Variants in CNN3 observed in about 807,000 individuals in gnomAD.
CNN3 encodes calponin-3.
Under a neutral mutation model 39.0 loss-of-function variants are expected in CNN3, and 11 were observed. The ratio of observed to expected loss-of-function variants is 0.28; its 90% CI spans 0.18 to 0.47. The LOEUF (loss-of-function observed/expected upper bound fraction) is 0.47, where lower values mean the gene tolerates loss of function less well. Ranked by LOEUF, CNN3 falls within the 20% of genes least tolerant of loss-of-function variation. The pLI, the probability that CNN3 is intolerant of heterozygous loss-of-function variation, is 0.99. For missense variants in CNN3, 266 were observed against 403.4 expected (o/e 0.66, Z 2.92); for synonymous variants, 101 against 138.3 (o/e 0.73, Z 1.89).
At chr1:94,924,058 G>C (rs1326516861) in intron 1 of CNN3, 2 of 152,280 alleles carry the variant, frequency 1.3e-5, no homozygotes, top group African/African-American at 4.8e-5. Flanking sequence ...AATGAGATGT[G>C]GGGGTAGATG....
chr1:94,926,760 G>A lies in CNN3; in HGVS notation c.57+78C>T, dbSNP rs1671594577. 6.1e-6 allele frequency: 9 copies of A among 1,473,200 alleles called. No homozygotes were observed. The Admixed American group carries it at 1.7e-4, about 28-fold the overall frequency. The allele number at this position is 1,473,200 out of a possible 1,614,324, so 91.3% of individuals were successfully genotyped here. ...AAAACGGTGAGCCACAGCGCGAAGA[G>A]CAAACGAAGCACGGCCCAGCGCCAG... On this transcript the variant is annotated intron_variant, in intron 1 of 6. Coordinates refer to ENST00000370206, the MANE Select transcript of CNN3 (RefSeq NM_001839.5). This position sits in a 1 kb window ranked among gnomAD's most constrained non-coding sequence, Gnocchi z 4.2.
intron 1 of CNN3, among the ~76,000 whole-genome samples, chr1:94,923,139 T>C (rs1313109660): frequency 6.6e-6 from 1 of 152,204 alleles, no homozygotes; most frequent in East Asian, 1.9e-4. Context: ...TCTCTTCCCA[T>C]CCAACTTTAC....
intron 1 of CNN3, among the ~76,000 whole-genome samples, chr1:94,908,290 T>C (rs1671067705): frequency 1.3e-5 from 2 of 152,212 alleles, no homozygotes; most frequent in Admixed American, 6.5e-5. Context: ...CCTGCTCTGC[T>C]CTCGCTCCTC....
At chr1:94,898,115 CA>C in intron 6 of CNN3, 32 bp from the exon 7 acceptor site, 3 of 1,560,140 alleles carry the variant, frequency 1.9e-6, no homozygotes, top group Non-Finnish European at 2.6e-6. Context: ...AAAGTTAAAA[CA>C]GCAGCTAGAA....
intron 1 of CNN3, among the ~76,000 whole-genome samples, chr1:94,914,552 A>G (rs1671237891): frequency 6.6e-6 from 1 of 152,158 alleles, no homozygotes; most frequent in Admixed American, 6.5e-5. Context: ...GAAGGTTATT[A>G]TTGGGACAAG....
intron 1 of CNN3, 52 bp from the exon 2 acceptor site, chr1:94,903,576 C>T: frequency 1.2e-6 from 2 of 1,609,712 alleles, no homozygotes; most frequent in Non-Finnish European, 1.7e-6. Context: ...GCATCAGAAA[C>T]TGCCGACTCA....
At chr1:94,923,670 G>T (rs796243869) in intron 1 of CNN3, among the ~76,000 whole-genome samples, 35 of 152,258 alleles carry the variant, frequency 2.3e-4, no homozygotes, top group African/African-American at 8.4e-4. Flanking sequence ...ATTCATTGAT[G>T]AAATGCTTTT....
chr1:94,914,418 C>G (rs1021558274), intron 1 of CNN3, among the ~76,000 whole-genome samples: 21 of 152,324 alleles, frequency 1.4e-4, no homozygotes, highest in African/African-American at 4.8e-4. Context: ...CTGTATTGTT[C>G]TGAAGGAACT....
At chr1:94,922,481 G>A (rs1014214739) in intron 1 of CNN3, among the ~76,000 whole-genome samples, 5 of 152,084 alleles carry the variant, frequency 3.3e-5, no homozygotes, top group Admixed American at 1.3e-4. Flanking sequence ...AGACACACCC[G>A]CGAATAAGAG....
At chr1:94,920,853 T>C (rs1372867911) in intron 1 of CNN3, among the ~76,000 whole-genome samples, 1 of 152,186 alleles carries the variant, frequency 6.6e-6, no homozygotes, top group Non-Finnish European at 1.5e-5. Flanking sequence ...CCCCAAATTG[T>C]ATAAACTTCG....
At chr1:94,915,756 C>G (rs1436267926) in intron 1 of CNN3, among the ~76,000 whole-genome samples, 1 of 152,220 alleles carries the variant, frequency 6.6e-6, no homozygotes, top group Non-Finnish European at 1.5e-5. Flanking sequence ...GCAGTGCGCT[C>G]ACAGGGAGGG....
chr1:94,913,390 G>A (rs1417210212), intron 1 of CNN3, among the ~76,000 whole-genome samples: 4 of 152,178 alleles, frequency 2.6e-5, no homozygotes, highest in African/African-American at 9.7e-5. Flanking sequence ...ACAAAGCAAG[G>A]ATTAGAATCC....
intron 5 of CNN3, among the ~76,000 whole-genome samples, chr1:94,901,419 CAA>C (rs1294786438): frequency 7.2e-6 from 1 of 138,398 alleles, no homozygotes; most frequent in Non-Finnish European, 1.6e-5. Flanking sequence ...AAAAAAAAGA[CAA>C]TATGATTCAA....
intron 3 of CNN3, among the ~76,000 whole-genome samples, chr1:94,902,766 A>G (rs1670900839): frequency 6.6e-6 from 1 of 152,182 alleles, no homozygotes; most frequent in South Asian, 2.1e-4. Flanking sequence ...AGTGCTCTGC[A>G]GTCCACTGTT....
In CNN3 at chr1:94,926,766, G is replaced by A; in HGVS notation, c.57+72C>T. 1 of 1,505,988 alleles carries A rather than the reference G, an allele frequency of 6.6e-7. No individual in the cohort carries two copies. Among genetic ancestry groups the A allele is most frequent in the Non-Finnish European group, 9.1e-7 (1 of 1,100,388 alleles). The allele number at this position is 1,505,988 out of a possible 1,614,324, so 93.3% of individuals were successfully genotyped here. ...GTGAGCCACAGCGCGAAGAGCAAAC[G>A]AAGCACGGCCCAGCGCCAGGCCAGC... is the stretch of plus-strand genomic sequence containing the variant. On this transcript the variant is annotated intron_variant, in intron 1 of 6. Coordinates refer to ENST00000370206, the MANE Select transcript of CNN3 (RefSeq NM_001839.5). The surrounding 1 kb of genome is among the most constrained non-coding windows in gnomAD (Gnocchi z 4.2).
intron 6 of CNN3, among the ~76,000 whole-genome samples, chr1:94,898,362 T>G (rs2101714291): frequency 6.6e-6 from 1 of 152,302 alleles, no homozygotes; most frequent in Admixed American, 6.5e-5. Flanking sequence ...GCTTTAGGTT[T>G]CTCAAACTGC....
At position 94,902,257 on chromosome 1, in the gene CNN3, A is replaced by T; in HGVS notation, c.248T>A (p.Leu83Ter). Residue 83 changes from leucine to a stop codon, truncating the protein, a stop_gained and splice_region_variant, in exon 4 of 7, where the codon TTG (leucine) becomes TAG (stop). Transcript: ENST00000370206. LOFTEE classifies it high-confidence loss of function. ...TTTAATAAAGTTGCCAATATTCTCC[A>T]ACTATAAAGAAGAAGAGTTTTATAA... ...VNESSLNWPQ[L>*]ENIGNFIKAI... is the part of the protein sequence containing the mutation. The T allele has an allele frequency of 6.2e-7, 1 of 1,607,524 alleles. No individual in the cohort carries two copies. The highest frequency in any genetic ancestry group is 8.5e-7 in the Non-Finnish European group (1 of 1,176,024).
At chr1:94,910,540 T>C (rs1671132942) in intron 1 of CNN3, among the ~76,000 whole-genome samples, 1 of 152,188 alleles carries the variant, frequency 6.6e-6, no homozygotes, top group Admixed American at 6.5e-5. Context: ...GCAAGGACAA[T>C]GAACAGGTTT....
chr1:94,899,345 T>C lies in CNN3; in HGVS notation c.648+26A>G, dbSNP rs1670802819. 4 of 1,609,502 alleles carry C rather than the reference T, an allele frequency of 2.5e-6. No homozygotes were observed. The South Asian group carries it at 3.3e-5, about 13-fold the overall frequency. On this transcript the variant is annotated intron_variant, in intron 6 of 6. Transcript: ENST00000370206. ...TAAAAATAAGGTAAGTGTACTCTTG[T>C]ACACGTATAAAAAGGTATTGCTTAC...
Sources: gnomAD v4.1 joint callset for allele counts (sites outside exome capture counted in the v4.1 genomes callset) on GRCh38, gnomAD v4.1.1 for gene constraint, Gnocchi (gnomAD v3.1) non-coding constraint, MANE v1.5 for transcripts, NCBI Gene and HGNC (gene_info 2026-07-23, HGNC 2026-07-21) for gene names.